The following GRID1 variants were observed in gnomAD, a reference collection of about 807,000 sequenced individuals.
The protein encoded by GRID1 is glutamate receptor ionotropic, delta-1.
A neutral mutation model predicts 98.0 loss-of-function variants in GRID1; 28 were observed. The observed-to-expected ratio is 0.29, with a 90% confidence interval of 0.21 to 0.39. GRID1 has a LOEUF of 0.39. Among genes scored for constraint, GRID1 ranks in the 10% least tolerant of loss-of-function variants. The pLI, the probability that GRID1 is intolerant of heterozygous loss-of-function variation, is 1.00. For missense variants in GRID1, 1,111 were observed against 1,340.5 expected (o/e 0.83, Z 2.67); for synonymous variants, 553 against 538.5 (o/e 1.03, Z -0.37).
rs540201990 is a variant in GRID1 at position 85,701,582 on chromosome 10, C to T, written c.1997+21421G>A. 2.6e-5 allele frequency among the ~76,000 whole-genome samples: 4 copies of T among 152,252 alleles called. No homozygotes were observed. The South Asian group carries it at 6.2e-4, about 24-fold the overall frequency. On this transcript the variant is annotated intron_variant, in intron 12 of 15. Transcript: ENST00000327946. The stretch of plus-strand genomic sequence containing the variant: ...CTGTACTCACAAGCCCAGGTTAAGA[C>T]TTGAAAGGGTGATTCTAACTGCATC...
intron 4 of GRID1, among the ~76,000 whole-genome samples, chr10:86,002,280 G>A (rs774310825): frequency 1.3e-5 from 2 of 152,174 alleles, no homozygotes; most frequent in Non-Finnish European, 2.9e-5. Context: ...AAGAATGCTG[G>A]CATTCATTTG....
intron 4 of GRID1, among the ~76,000 whole-genome samples, chr10:86,034,745 G>C (rs1293026812): frequency 6.6e-6 from 1 of 152,016 alleles, no homozygotes; most frequent in African/African-American, 2.4e-5. Context: ...GCGTGTGAGA[G>C]TTTCTGAAAA....
At chr10:85,726,577 C>T (rs1343552241) in intron 10 of GRID1, among the ~76,000 whole-genome samples, 1 of 152,038 alleles carries the variant, frequency 6.6e-6, no homozygotes. Flanking sequence ...GTCTGGCCAC[C>T]CATAGAGGAC....
intron 2 of GRID1, among the ~76,000 whole-genome samples, chr10:86,334,555 A>G (rs1279367374): frequency 5.3e-5 from 8 of 152,158 alleles, no homozygotes. Flanking sequence ...CCTGAAGTAG[A>G]AGAAAGGCAT....
chr10:85,853,926 C>G (rs1233325086), intron 8 of GRID1, among the ~76,000 whole-genome samples: 1 of 152,190 alleles, frequency 6.6e-6, no homozygotes, highest in Non-Finnish European at 1.5e-5. Flanking sequence ...CTGGGAAGAC[C>G]CAGGCTGCCA....
intron 2 of GRID1, among the ~76,000 whole-genome samples, chr10:86,306,920 A>G (rs1189867852): frequency 1.3e-5 from 2 of 152,168 alleles, no homozygotes; most frequent in African/African-American, 4.8e-5. Context: ...GCACATAATC[A>G]ATATCTATAG....
intron 2 of GRID1, among the ~76,000 whole-genome samples, chr10:86,329,155 C>T (rs1848100561): frequency 6.6e-6 from 1 of 152,194 alleles, no homozygotes; most frequent in African/African-American, 2.4e-5. Context: ...TTCAGGGCAT[C>T]CCTCCCGAGC....
At chr10:85,706,366 C>A (rs1053269627) in intron 12 of GRID1, among the ~76,000 whole-genome samples, 4 of 152,132 alleles carry the variant, frequency 2.6e-5, no homozygotes, top group African/African-American at 9.7e-5. Context: ...TTCACAATTG[C>A]TTCAAAGAGA....
chr10:86,079,129 C>G (rs143271269), intron 4 of GRID1, among the ~76,000 whole-genome samples: 11 of 152,310 alleles, frequency 7.2e-5, no homozygotes, highest in Non-Finnish European at 1.3e-4. Context: ...GCACAGGTTT[C>G]AGAGAGGTGA....
At chr10:86,151,716 T>C (rs1445004784) in intron 3 of GRID1, among the ~76,000 whole-genome samples, 1 of 152,098 alleles carries the variant, frequency 6.6e-6, no homozygotes. Flanking sequence ...TGGGACGGGT[T>C]CCCCCTCTGC....
At chr10:85,947,939 A>G (rs1752700338) in intron 4 of GRID1, among the ~76,000 whole-genome samples, 1 of 152,378 alleles carries the variant, frequency 6.6e-6, no homozygotes, top group East Asian at 1.9e-4. Flanking sequence ...CAACCTTACA[A>G]TAAGCCTACC....
chr10:86,036,002 A>C (rs1338053368), intron 4 of GRID1, among the ~76,000 whole-genome samples: 6 of 152,196 alleles, frequency 3.9e-5, no homozygotes, highest in Non-Finnish European at 5.9e-5. Context: ...TTCAAAAGGC[A>C]GGGCTGTGAG....
intron 15 of GRID1, among the ~76,000 whole-genome samples, chr10:85,604,284 T>C (rs573982961): frequency 6.6e-6 from 1 of 152,312 alleles, no homozygotes; most frequent in Non-Finnish European, 1.5e-5. Flanking sequence ...TCCTAGAATC[T>C]TTCCCAGGAC....
chr10:86,310,422 G>A (rs1847816785), intron 2 of GRID1, among the ~76,000 whole-genome samples: 2 of 152,084 alleles, frequency 1.3e-5, no homozygotes, highest in African/African-American at 4.8e-5. Context: ...TGTCATGGTG[G>A]TCCCCAGCCC....
At chr10:85,734,649 TG>T (rs1448515606) in intron 8 of GRID1, among the ~76,000 whole-genome samples, 5 of 152,296 alleles carry the variant, frequency 3.3e-5, no homozygotes, top group African/African-American at 1.2e-4. Flanking sequence ...TCCTTCATAT[TG>T]GGTAGGAAAC....
At chr10:85,706,140 G>C (rs1590197925) in intron 12 of GRID1, among the ~76,000 whole-genome samples, 1 of 152,074 alleles carries the variant, frequency 6.6e-6, no homozygotes, top group East Asian at 1.9e-4. Flanking sequence ...AGAAATAAAG[G>C]GTATTAAATC....
chr10:85,839,814 C>T (rs76946823), intron 8 of GRID1, among the ~76,000 whole-genome samples: 10,439 of 151,800 alleles, frequency 0.069, 396 homozygotes, highest in Non-Finnish European at 0.082. Context: ...TCAATGAATC[C>T]AGGAGCTGGT....
chr10:86,183,380 A>G (rs1845684886), intron 3 of GRID1, among the ~76,000 whole-genome samples: 1 of 149,342 alleles, frequency 6.7e-6, no homozygotes, highest in Non-Finnish European at 1.5e-5. Flanking sequence ...ATTTATTGAG[A>G]TAGAGTTTCA....
chr10:86,153,061 C>T (rs1488971895), intron 3 of GRID1, among the ~76,000 whole-genome samples: 1 of 152,222 alleles, frequency 6.6e-6, no homozygotes, highest in Non-Finnish European at 1.5e-5. Flanking sequence ...TCATTGTGGG[C>T]CTCCTGACGC....
Sources: gnomAD v4.1 joint callset for allele counts (sites outside exome capture counted in the v4.1 genomes callset) on GRCh38, gnomAD v4.1.1 for gene constraint, MANE v1.5 for transcripts, NCBI Gene and HGNC (gene_info 2026-07-23, HGNC 2026-07-21) for gene names.